Variants in FBXO31 observed in about 807,000 individuals in gnomAD.
FBXO31 encodes the protein F-box protein 31.
In FBXO31, 24 loss-of-function variants were observed where a neutral mutation model predicts 54.4. The ratio of observed to expected loss-of-function variants is 0.44; its 90% confidence interval spans 0.32 to 0.62. The LOEUF (loss-of-function observed/expected upper bound fraction) is 0.62, where lower values mean the gene tolerates loss of function less well. FBXO31 is among the 20% of genes least tolerant of loss of function. The pLI is 0.05. For synonymous variants in FBXO31, 388 were observed against 335.6 expected, an observed-to-expected ratio of 1.16 and a Z score of -1.71; for missense variants, 665 against 787.1, an observed-to-expected ratio of 0.84 and a Z score of 1.86.
intron 1 of FBXO31, among the ~76,000 whole-genome samples, chr16:87,377,302 C>T (rs868769081): frequency 2.6e-5 from 4 of 152,232 alleles, no homozygotes; most frequent in Middle Eastern, 3.4e-3. Flanking sequence ...AAAAATTAGC[C>T]AGGTGTGTTG....
At chr16:87,368,144 A>G (rs1906446680) in intron 1 of FBXO31, among the ~76,000 whole-genome samples, 1 of 152,222 alleles carries the variant, frequency 6.6e-6, no homozygotes, top group Non-Finnish European at 1.5e-5. Context: ...AATGCTATTC[A>G]AATTCAGAAG....
rs979970325 is a variant in FBXO31 at position 87,333,973 on chromosome 16, G to C, written c.1310C>G (p.Pro437Arg). Residue 437 changes from proline (P) to arginine (R), a missense_variant, in exon 8 of 9, where the codon CCT (proline) becomes CGT (arginine). Pro to Arg is a moderately radical substitution (Grantham distance 103, BLOSUM62 -2). Coordinates refer to ENST00000311635, the MANE Select transcript of FBXO31 (RefSeq NM_024735.5). ...CGGCTGCCCCTGCCCACACTGGGCA[G>C]GCTGCTCGGCCGCAGCTACGGCATC... The part of the protein sequence containing the change: ...PGDAVAAAEQ[P>R]AQCGQGQPFV... The C allele has an allele frequency of 1.2e-6, 2 of 1,612,674 alleles. No homozygotes were observed. The highest frequency in any genetic ancestry group is 1.7e-6 in the Non-Finnish European group (2 of 1,179,834).
rs1489132121 is a variant in FBXO31, at chr16:87,365,037, A to ATATATATATATATCTATC, written c.341-4672_341-4671insGATAGATATATATATATA. Among the ~76,000 whole-genome samples the ATATATATATATATCTATC allele has an allele frequency of 1.4e-4, 15 of 106,890 alleles. 1 individual carries two copies. Among genetic ancestry groups the ATATATATATATATCTATC allele is most frequent in the African/African-American group, 4.2e-4 (12 of 28,504 alleles). 70.1% of individuals were successfully genotyped at this position (106,890 alleles called of 152,430 possible). Reference sequence around the variant, plus strand: ...TATATATATATATATATATATATATATATCAGGCAGGCCACCCAATAATTA... The same window carrying ATATATATATATATCTATC: ...TATATATATATATATATATATATATATATATATATATATCTATCTATCAGGCAGGCCACCCAATAATTA... On this transcript the variant is annotated intron_variant, in intron 1 of 8. Transcript: ENST00000311635.
intron 1 of FBXO31, among the ~76,000 whole-genome samples, chr16:87,377,404 C>G (rs2150697076): frequency 6.6e-6 from 1 of 152,202 alleles, no homozygotes; most frequent in Admixed American, 6.5e-5. Context: ...CATAATAGCG[C>G]CACTACACTC....
intron 1 of FBXO31, among the ~76,000 whole-genome samples, chr16:87,374,920 C>T (rs765435913): frequency 7.8e-4 from 118 of 152,202 alleles, no homozygotes; most frequent in Non-Finnish European, 1.6e-3. Context: ...TAATGGCTCA[C>T]GCCTGTAATC....
At chr16:87,341,885 T>C (rs954694273) in intron 5 of FBXO31, among the ~76,000 whole-genome samples, 13 of 152,110 alleles carry the variant, frequency 8.5e-5, no homozygotes, top group Admixed American at 7.9e-4. Flanking sequence ...CTCTGGCTGA[T>C]GGGGAAACCA....
chr16:87,374,363 CTT>C (rs1906732320), intron 1 of FBXO31, among the ~76,000 whole-genome samples: 1 of 152,128 alleles, frequency 6.6e-6, no homozygotes, highest in African/African-American at 2.4e-5. Flanking sequence ...ACTCAGAAAA[CTT>C]AGCCTACAGC....
chr16:87,364,493 AC>A (rs1162802335), intron 1 of FBXO31, among the ~76,000 whole-genome samples: 4 of 152,174 alleles, frequency 2.6e-5, no homozygotes. Context: ...TCCAGGAAGC[AC>A]CTGTCAATGT....
chr16:87,349,185 A>C (rs1329185485), intron 2 of FBXO31, among the ~76,000 whole-genome samples: 2 of 152,272 alleles, frequency 1.3e-5, no homozygotes, highest in African/African-American at 4.8e-5. Flanking sequence ...TAACAAAATG[A>C]TTCCAAAGTC....
At chr16:87,374,572 C>G (rs1056014952) in intron 1 of FBXO31, among the ~76,000 whole-genome samples, 1 of 152,108 alleles carries the variant, frequency 6.6e-6, no homozygotes. Context: ...GTATTTCTAG[C>G]GATGATGAAA....
At position 87,377,208 on chromosome 16, in the gene FBXO31, G is replaced by A. The variant is rs151080870; in HGVS notation, c.340+6197C>T. Among the ~76,000 whole-genome samples the A allele has an allele frequency of 8.7e-3, 1,330 of 152,348 alleles. 22 individuals carry two copies. Among genetic ancestry groups the A allele is most frequent in the African/African-American group, 0.03 (1,267 of 41,582 alleles). On this transcript the variant is annotated intron_variant, in intron 1 of 8. Coordinates refer to ENST00000311635, the MANE Select transcript of FBXO31 (RefSeq NM_024735.5). ...GCCAGTAATCCTAGCACTTTGGGAG[G>A]CCGAGGCGGGCGGACCACTTGAGCC... is the stretch of plus-strand genomic sequence containing the variant.
At chr16:87,376,214 T>C (rs1049432634) in intron 1 of FBXO31, among the ~76,000 whole-genome samples, 3 of 152,110 alleles carry the variant, frequency 2.0e-5, no homozygotes, top group East Asian at 1.9e-4. Flanking sequence ...GTTCCCTTTT[T>C]CCCACTCCCA....
intron 2 of FBXO31, among the ~76,000 whole-genome samples, chr16:87,350,163 C>G (rs1260243554): frequency 6.6e-6 from 1 of 152,084 alleles, no homozygotes; most frequent in Non-Finnish European, 1.5e-5. Context: ...TTTCGGAGCA[C>G]TGGAGTGGCA....
rs1451108533 is a variant in FBXO31, at chr16:87,331,204, T to C, written c.*84A>G. 1.4e-6 allele frequency: 2 copies of C among 1,418,752 alleles called. No homozygotes were observed. Among genetic ancestry groups the C allele is most frequent in the Non-Finnish European group, 2.0e-6 (2 of 1,022,402 alleles). The allele number at this position is 1,418,752 out of a possible 1,614,324, so 87.9% of individuals were successfully genotyped here. ...TGCGTTCTGGTCAAAAGGCCGGATT[T>C]CCAAAGTGCATGCTGCTTCTATTCA... On this transcript the variant is annotated 3_prime_UTR_variant, in exon 9 of 9. Coordinates refer to ENST00000311635, the MANE Select transcript of FBXO31 (RefSeq NM_024735.5).
At chr16:87,364,219 G>A (rs974535102) in intron 1 of FBXO31, among the ~76,000 whole-genome samples, 1 of 152,252 alleles carries the variant, frequency 6.6e-6, no homozygotes, top group African/African-American at 2.4e-5. Flanking sequence ...AGGCCATGGA[G>A]CTCATCCCAC....
chr16:87,392,045 C>G (rs1424071391), upstream of FBXO31: 1 of 196,072 alleles, frequency 5.1e-6, no homozygotes, highest in Non-Finnish European at 1.0e-5. Context: ...TCCCGAGCGC[C>G]CACAGACCCG....
At chr16:87,367,693 T>A (rs1906427274) in intron 1 of FBXO31, 1 of 152,228 alleles carries the variant, frequency 6.6e-6, no homozygotes, top group South Asian at 2.1e-4. Context: ...CTGGGGGTGC[T>A]TCTCCTCTGA....
chr16:87,368,895 G>C (rs895881406), intron 1 of FBXO31, among the ~76,000 whole-genome samples: 1 of 152,118 alleles, frequency 6.6e-6, no homozygotes, highest in African/African-American at 2.4e-5. Flanking sequence ...CACCTCCCAA[G>C]TTCAAGTGAT....
intron 1 of FBXO31, among the ~76,000 whole-genome samples, chr16:87,375,799 C>T (rs1399889701): frequency 2.0e-5 from 3 of 152,124 alleles, no homozygotes; most frequent in Admixed American, 6.6e-5. Flanking sequence ...TGTGATCTGC[C>T]TGCCCCAACA....
Sources: allele counts gnomAD v4.1 joint callset (sites outside exome capture counted in the v4.1 genomes callset), GRCh38; gene constraint gnomAD v4.1.1; transcripts MANE v1.5; gene names NCBI Gene and HGNC (gene_info 2026-07-23, HGNC 2026-07-21).